TPTE: variants seen among roughly 807,000 people sequenced by gnomAD.
The protein encoded by TPTE is putative tyrosine-protein phosphatase TPTE.
Under a neutral mutation model 84.1 loss-of-function variants are expected in TPTE, and 59 were observed. The observed-to-expected ratio is 0.70, with a 90% CI of 0.57 to 0.87. The LOEUF (loss-of-function observed/expected upper bound fraction) is 0.87. Ranked by LOEUF, TPTE falls within the 40% of genes least tolerant of loss-of-function variation. The probability of loss-of-function intolerance (pLI) is 0.00; values close to 1 mark genes in which losing one functional copy is unlikely to be tolerated. For missense variants in TPTE, 382 were observed against 659.6 expected (o/e 0.58, Z 4.61); for synonymous variants, 130 against 223.5 (o/e 0.58, Z 3.73).
intron 22 of TPTE, 76 bp downstream of exon 22, chr21:10,602,226 A>C (rs1366324078): frequency 1.0e-5 from 16 of 1,537,372 alleles, no homozygotes; most frequent in Non-Finnish European, 1.4e-5. Context: ...GCTTTACTAC[A>C]ATTCCCAACA....
intron 19 of TPTE, among the ~76,000 whole-genome samples, chr21:10,595,415 C>T (rs1279912829): frequency 6.6e-6 from 1 of 152,312 alleles, no homozygotes; most frequent in African/African-American, 2.4e-5. Context: ...CAGGGGAGAG[C>T]TGTTGTGAAC....
At chr21:10,550,421 G>T (rs1444628040) in intron 7 of TPTE, among the ~76,000 whole-genome samples, 2 of 152,304 alleles carry the variant, frequency 1.3e-5, no homozygotes, top group Non-Finnish European at 2.9e-5. Flanking sequence ...CCCAAAGTGA[G>T]CAGGGATAGC....
chr21:10,580,699 T>A (rs2075256485), intron 17 of TPTE, among the ~76,000 whole-genome samples: 1 of 152,310 alleles, frequency 6.6e-6, no homozygotes. Context: ...TCTGTTCCAT[T>A]GGTCTATATG....
intron 3 of TPTE, among the ~76,000 whole-genome samples, chr21:10,535,228 T>C (rs1254865386): frequency 6.6e-6 from 1 of 152,310 alleles, no homozygotes; most frequent in Non-Finnish European, 1.5e-5. Flanking sequence ...CCACAGCCAA[T>C]TGAGTTGATG....
At chr21:10,571,240 A>G (rs11701239) in intron 14 of TPTE, among the ~76,000 whole-genome samples, 2,897 of 148,098 alleles carry the variant, frequency 0.02, no homozygotes, top group Non-Finnish European at 0.027. Flanking sequence ...GCACTCACAG[A>G]CACCACTGAA....
At chr21:10,556,537 T>C (rs1049568025) in intron 8 of TPTE, among the ~76,000 whole-genome samples, 8 of 152,256 alleles carry the variant, frequency 5.3e-5, no homozygotes, top group African/African-American at 1.9e-4. Context: ...GCATGATTTA[T>C]AATCCTTTGG....
At chr21:10,539,409 G>A (rs1196169753) in intron 4 of TPTE, among the ~76,000 whole-genome samples, 1 of 152,310 alleles carries the variant, frequency 6.6e-6, no homozygotes, top group South Asian at 2.1e-4. Context: ...GGACAGGAAA[G>A]ACTAGCATGA....
intron 7 of TPTE, among the ~76,000 whole-genome samples, chr21:10,547,094 C>T (rs991800314): frequency 2.0e-5 from 3 of 152,302 alleles, no homozygotes; most frequent in East Asian, 1.9e-4. Context: ...TTGTTAGGGG[C>T]TAATGAAGCT....
At chr21:10,592,548 C>T (rs2075501364) in intron 19 of TPTE, among the ~76,000 whole-genome samples, 175 bp downstream of exon 19, 1 of 152,308 alleles carries the variant, frequency 6.6e-6, no homozygotes, top group Non-Finnish European at 1.5e-5. Context: ...CAGGTGCTGC[C>T]CACATGCTGG....
intron 2 of TPTE, 33 bp downstream of exon 2, chr21:10,524,721 C>G (rs1407570927): frequency 4.6e-5 from 7 of 152,788 alleles, no homozygotes; most frequent in African/African-American, 1.4e-4. Flanking sequence ...GGGAGAAACT[C>G]CCAGAAATCC....
intron 7 of TPTE, among the ~76,000 whole-genome samples, chr21:10,545,019 T>C (rs2074439356): frequency 6.6e-6 from 1 of 152,310 alleles, no homozygotes; most frequent in Admixed American, 6.5e-5. Flanking sequence ...TAATGTCCGT[T>C]TTTCAGGGGA....
chr21:10,605,149 A>G, intron 23 of TPTE, among the ~76,000 whole-genome samples: 1 of 152,312 alleles, frequency 6.6e-6, no homozygotes, highest in Non-Finnish European at 1.5e-5. Context: ...AGAAATTTAG[A>G]TATTTTATTA....
At chr21:10,566,309 T>C (rs1600913110) in intron 10 of TPTE, among the ~76,000 whole-genome samples, 4 of 152,426 alleles carry the variant, frequency 2.6e-5, no homozygotes, top group South Asian at 4.1e-4. Flanking sequence ...CCATGAGATA[T>C]CATCTCACCC....
At chr21:10,530,329 A>G (rs917542818) in intron 3 of TPTE, among the ~76,000 whole-genome samples, 6 of 152,306 alleles carry the variant, frequency 3.9e-5, no homozygotes, top group African/African-American at 7.2e-5. Context: ...ACATATACAG[A>G]TATATGCACA....
chr21:10,562,716 A>G (rs1180917983), intron 10 of TPTE, among the ~76,000 whole-genome samples: 1 of 152,308 alleles, frequency 6.6e-6, no homozygotes, highest in Non-Finnish European at 1.5e-5. Flanking sequence ...CAAAATACAT[A>G]GAGGAGACAA....
At chr21:10,546,578 A>G (rs2074472276) in intron 7 of TPTE, among the ~76,000 whole-genome samples, 1 of 152,308 alleles carries the variant, frequency 6.6e-6, no homozygotes, top group Non-Finnish European at 1.5e-5. Context: ...AACAAAACAG[A>G]AAAGTCAAAA....
chr21:10,544,977 AT>A (rs71326367), intron 7 of TPTE, among the ~76,000 whole-genome samples: 13,418 of 147,222 alleles, frequency 0.091, 8 homozygotes, highest in Middle Eastern at 0.22. Context: ...CCAGAGAAAA[AT>A]TAAATACCAT....
intron 19 of TPTE, among the ~76,000 whole-genome samples, chr21:10,594,440 CATA>C (rs1295128947): frequency 6.6e-6 from 1 of 152,298 alleles, no homozygotes; most frequent in African/African-American, 2.4e-5. Flanking sequence ...ACCCTTTTCT[CATA>C]ATGTTTTCTT....
chr21:10,539,655 C>T (rs1164612779), intron 4 of TPTE, among the ~76,000 whole-genome samples: 3 of 152,312 alleles, frequency 2.0e-5, no homozygotes, highest in Non-Finnish European at 4.4e-5. Context: ...AATGGCATGG[C>T]AGATTCCAAA....
Sources: gnomAD v4.1 joint callset for allele counts (sites outside exome capture counted in the v4.1 genomes callset) on GRCh38, gnomAD v4.1.1 for gene constraint, MANE v1.5 for transcripts, NCBI Gene and HGNC (gene_info 2026-07-23, HGNC 2026-07-21) for gene names.